Variants in SNTG1 observed in about 807,000 individuals in gnomAD.
SNTG1 encodes gamma-1-syntrophin.
In SNTG1, 39 loss-of-function variants were observed where a neutral mutation model predicts 74.7. That is an observed-to-expected ratio of 0.52 (90% confidence interval 0.40 to 0.68). The LOEUF (loss-of-function observed/expected upper bound fraction) is 0.68. SNTG1 is among the 30% of genes least tolerant of loss of function. The pLI is 0.00. For synonymous variants in SNTG1, 254 were observed against 217.1 expected, an observed-to-expected ratio of 1.17 and a Z score of -1.49; for missense variants, 685 against 609.5, an observed-to-expected ratio of 1.12 and a Z score of -1.30.
chr8:50,604,853 G>T (rs151237357), intron 13 of SNTG1, among the ~76,000 whole-genome samples: 21 of 152,204 alleles, frequency 1.4e-4, no homozygotes, highest in African/African-American at 4.6e-4. Flanking sequence ...AATGTACTAG[G>T]TCTCACCTGA....
chr8:50,005,848 G>A (rs756960090), intron 1 of SNTG1, among the ~76,000 whole-genome samples: 5 of 151,510 alleles, frequency 3.3e-5, no homozygotes, highest in Admixed American at 6.6e-5. Context: ...CAGTTCTGTG[G>A]ACCTGTCATC....
At chr8:50,635,690 G>A (rs1320602613) in intron 13 of SNTG1, among the ~76,000 whole-genome samples, 2 of 152,186 alleles carry the variant, frequency 1.3e-5, no homozygotes, top group Non-Finnish European at 2.9e-5. Context: ...ACCCTTCAGG[G>A]AAGTGGGCTC....
In SNTG1 at chr8:50,537,394, A is replaced by T. The variant is rs543143766; in HGVS notation, c.680+586A>T. 2.2e-4 allele frequency among the ~76,000 whole-genome samples: 34 copies of T among 152,312 alleles called. No homozygotes were observed. In the South Asian group the frequency reaches 5.8e-3, roughly 26 times the overall value. ...AGGCATAAACCACATGCCCAGCAGC[A>T]TAGTTGGTCTAAATTATAAGATTTA... On this transcript the variant is annotated intron_variant, in intron 11 of 18. Coordinates refer to ENST00000642720, the MANE Select transcript of SNTG1 (RefSeq NM_018967.5).
intron 15 of SNTG1, among the ~76,000 whole-genome samples, chr8:50,680,815 C>G (rs891984731): frequency 6.6e-5 from 10 of 152,056 alleles, no homozygotes; most frequent in African/African-American, 2.2e-4. Context: ...GCTCGCAGCT[C>G]CAACCAGCTT....
intron 8 of SNTG1, among the ~76,000 whole-genome samples, chr8:50,462,794 CTCTTTTTTT>C (rs1175897535): frequency 0.056 from 2,464 of 43,616 alleles, 879 homozygotes; most frequent in Non-Finnish European, 0.079. Context: ...TCAGGTTCTA[CTCTTTTTTT>C]TTTTTTTTTT....
At chr8:50,538,596 G>T (rs1268914835) in intron 11 of SNTG1, among the ~76,000 whole-genome samples, 1 of 151,982 alleles carries the variant, frequency 6.6e-6, no homozygotes, top group Non-Finnish European at 1.5e-5. Context: ...CTGCTTTCAA[G>T]ACTTTTTTTT....
chr8:50,533,814 T>C (rs1336921499), intron 10 of SNTG1, among the ~76,000 whole-genome samples: 2 of 152,134 alleles, frequency 1.3e-5, no homozygotes, highest in Admixed American at 6.6e-5. Context: ...CAAATCAAGA[T>C]GCCACAAGAA....
intron 1 of SNTG1, among the ~76,000 whole-genome samples, chr8:49,951,873 CAAAAAAA>C (rs5891338): frequency 1.9e-3 from 105 of 56,298 alleles, no homozygotes; most frequent in African/African-American, 5.8e-3. Flanking sequence ...GGAAAATTCA[CAAAAAAA>C]AAAAAAAAAA....
At chr8:50,374,553 G>A (rs919748581) in intron 2 of SNTG1, among the ~76,000 whole-genome samples, 1 of 152,064 alleles carries the variant, frequency 6.6e-6, no homozygotes, top group Admixed American at 6.6e-5. Context: ...CCCAGACCAG[G>A]TACCCAGTTC....
rs1357304635 is a variant in SNTG1 at position 50,796,117 on chromosome 8, A to C, written c.*3288A>C. On this transcript the variant is annotated 3_prime_UTR_variant, in exon 19 of 19. Transcript: ENST00000642720. Reference sequence around the variant, plus strand: ...TGAAGCTTGATCATGAACTTTGTCTATGTTGAATGCTGGATTTAAGAAAAG... The same window carrying C: ...TGAAGCTTGATCATGAACTTTGTCTCTGTTGAATGCTGGATTTAAGAAAAG... 1 of 152,078 alleles carries C rather than the reference A, an allele frequency of 6.6e-6. No homozygotes were observed. Among genetic ancestry groups the C allele is most frequent in the Non-Finnish European group, 1.5e-5 (1 of 67,966 alleles). 9.4% of individuals were successfully genotyped at this position (152,078 alleles called of 1,614,324 possible).
rs189215369 is a variant in SNTG1, at chr8:50,408,371, G to T, written c.162+6027G>T. On this transcript the variant is annotated intron_variant, in intron 4 of 18. Transcript: ENST00000642720. ...GCACAGAAATAAGCAAAGGTAGTTA[G>T]CTTGTGAGGTTAGACGCACTAGGGA... Among the ~76,000 whole-genome samples, 143 of 152,272 alleles carry T rather than the reference G, an allele frequency of 9.4e-4. 1 individual carries two copies. The highest frequency in any genetic ancestry group is 3.4e-3 in the African/African-American group (140 of 41,538).
At chr8:50,688,783 A>G (rs7017534) in intron 15 of SNTG1, among the ~76,000 whole-genome samples, 1 of 151,772 alleles carries the variant, frequency 6.6e-6, no homozygotes, top group Non-Finnish European at 1.5e-5. Context: ...GTTTTTTCCA[A>G]TTCTGTGAAG....
At chr8:50,307,809 A>C (rs1469291750) in intron 2 of SNTG1, among the ~76,000 whole-genome samples, 1 of 152,008 alleles carries the variant, frequency 6.6e-6, no homozygotes. Context: ...GACATCATTT[A>C]TTTATAGCTG....
At chr8:50,009,770 G>C (rs1815591049) in intron 1 of SNTG1, among the ~76,000 whole-genome samples, 1 of 152,106 alleles carries the variant, frequency 6.6e-6, no homozygotes, top group Admixed American at 6.5e-5. Flanking sequence ...GGCCGAGGTG[G>C]GTGGATCATC....
At chr8:50,360,846 C>T (rs534874750) in intron 2 of SNTG1, among the ~76,000 whole-genome samples, 10 of 151,996 alleles carry the variant, frequency 6.6e-5, no homozygotes, top group South Asian at 2.1e-4. Flanking sequence ...TTGCTGTGCA[C>T]GAGTCAGTGA....
At chr8:50,505,198 C>T (rs1455946309) in intron 9 of SNTG1, among the ~76,000 whole-genome samples, 1 of 152,138 alleles carries the variant, frequency 6.6e-6, no homozygotes, top group Non-Finnish European at 1.5e-5. Flanking sequence ...AACATTCTTT[C>T]ATATGCATAT....
chr8:50,308,887 C>T (rs556291359), intron 2 of SNTG1, among the ~76,000 whole-genome samples: 109 of 151,642 alleles, frequency 7.2e-4, no homozygotes, highest in African/African-American at 2.2e-3. Context: ...GATAGTTATA[C>T]AAATGATGTT....
At chr8:50,327,270 T>G (rs1165586212) in intron 2 of SNTG1, among the ~76,000 whole-genome samples, 1 of 152,162 alleles carries the variant, frequency 6.6e-6, no homozygotes, top group East Asian at 1.9e-4. Flanking sequence ...GTGTTTAAGT[T>G]GCAAAGATAA....
At chr8:49,954,179 T>G (rs1809965797) in intron 1 of SNTG1, among the ~76,000 whole-genome samples, 1 of 152,210 alleles carries the variant, frequency 6.6e-6, no homozygotes, top group Non-Finnish European at 1.5e-5. Context: ...AACTGGGTAA[T>G]TTTTAAAGGA....
Sources: gnomAD v4.1 joint callset for allele counts (sites outside exome capture counted in the v4.1 genomes callset) on GRCh38, gnomAD v4.1.1 for gene constraint, MANE v1.5 for transcripts, NCBI Gene and HGNC (gene_info 2026-07-23, HGNC 2026-07-21) for gene names.